The following RIT2 variants were observed in gnomAD, a reference collection of about 807,000 sequenced individuals.
The protein encoded by RIT2 is Ras like without CAAX 2.
RIT2 carries 24 observed loss-of-function variants against 23.7 expected under a neutral mutation model. That is an observed-to-expected ratio of 1.01 (90% CI 0.73 to 1.43). RIT2 has a LOEUF of 1.43. RIT2 is among the 40% of genes most tolerant of loss of function. The probability of loss-of-function intolerance (pLI) is 0.00; values close to 1 mark genes in which losing one functional copy is unlikely to be tolerated. For missense variants in RIT2, 236 were observed against 266.9 expected, an observed-to-expected ratio of 0.88 and a Z score of 0.81; for synonymous variants, 107 against 91.1, an observed-to-expected ratio of 1.17 and a Z score of -0.99.
At chr18:43,097,142 A>G (rs1226474768) in intron 1 of RIT2, among the ~76,000 whole-genome samples, 2 of 151,876 alleles carry the variant, frequency 1.3e-5, no homozygotes, top group Non-Finnish European at 2.9e-5. Flanking sequence ...TATACAATAT[A>G]ATTATATGGG....
At chr18:42,995,049 T>C (rs1266554206) in intron 2 of RIT2, among the ~76,000 whole-genome samples, 1 of 152,124 alleles carries the variant, frequency 6.6e-6, no homozygotes, top group Non-Finnish European at 1.5e-5. Flanking sequence ...TTTCCCCATA[T>C]TTCCTTCTTT....
intron 4 of RIT2, among the ~76,000 whole-genome samples, chr18:42,913,443 A>G (rs1908823748): frequency 6.6e-6 from 1 of 151,950 alleles, no homozygotes; most frequent in Admixed American, 6.6e-5. Flanking sequence ...AAGACAAACT[A>G]CTGACTAGAA....
chr18:42,914,111 T>G (rs1236547513), intron 4 of RIT2, among the ~76,000 whole-genome samples: 1 of 152,034 alleles, frequency 6.6e-6, no homozygotes, highest in Non-Finnish European at 1.5e-5. Context: ...TAATGTAAAT[T>G]AAAATCATAA....
chr18:43,092,163 T>G (rs1372524536), intron 1 of RIT2, among the ~76,000 whole-genome samples: 2 of 151,740 alleles, frequency 1.3e-5, no homozygotes, highest in Non-Finnish European at 2.9e-5. Flanking sequence ...ATCCAGAGAG[T>G]GATTCTTTAG....
At chr18:42,865,577 C>CA (rs986414348) in intron 4 of RIT2, among the ~76,000 whole-genome samples, 2 of 151,976 alleles carry the variant, frequency 1.3e-5, no homozygotes, top group East Asian at 1.9e-4. Context: ...ACAACAAGCG[C>CA]AAAAAATCAA....
chr18:42,753,002 G>A lies in RIT2; in HGVS notation c.427-9282C>T, dbSNP rs551895069. On this transcript the variant is annotated intron_variant, in intron 4 of 4. Transcript: ENST00000326695. ...TTTAATATATATGACCTTTTTCACC[G>A]AAGAAGATCACCGTGTAATATGCCA... Among the ~76,000 whole-genome samples the A allele has an allele frequency of 2.0e-5, 3 of 152,158 alleles. No individual in the cohort carries two copies. The South Asian group carries it at 6.2e-4, about 32-fold the overall frequency.
chr18:42,974,597 A>G (rs898611586), intron 2 of RIT2, among the ~76,000 whole-genome samples: 4 of 152,056 alleles, frequency 2.6e-5, no homozygotes, highest in African/African-American at 4.8e-5. Context: ...AGAAGAAAAA[A>G]TAAAATCATC....
At chr18:42,881,699 C>T (rs1344967971) in intron 4 of RIT2, among the ~76,000 whole-genome samples, 1 of 152,202 alleles carries the variant, frequency 6.6e-6, no homozygotes, top group Admixed American at 6.5e-5. Context: ...AAGAAGCATT[C>T]TCAGCATGGT....
At chr18:42,994,749 C>T (rs531112765) in intron 2 of RIT2, among the ~76,000 whole-genome samples, 1 of 152,316 alleles carries the variant, frequency 6.6e-6, no homozygotes, top group East Asian at 1.9e-4. Flanking sequence ...GCGGCTGCTG[C>T]TGCCCTAATA....
At position 43,044,292 on chromosome 18, in the gene RIT2, T is replaced by C. The variant is rs72904982; in HGVS notation, c.104-10425A>G. ...CCCACTTTAATGACAGCTTTCATTTTTTTTCTAATTAATGCATTTCTACAA... is the reference window on the plus strand; with the variant it reads ...CCCACTTTAATGACAGCTTTCATTTCTTTTCTAATTAATGCATTTCTACAA... On this transcript the variant is annotated intron_variant, in intron 1 of 4. Transcript: ENST00000326695. Among the ~76,000 whole-genome samples, 1,289 of 152,326 alleles carry C rather than the reference T, an allele frequency of 8.5e-3. 8 individuals are homozygous for C. Among genetic ancestry groups the C allele is most frequent in the Non-Finnish European group, 0.011 (720 of 68,020 alleles).
intron 4 of RIT2, among the ~76,000 whole-genome samples, chr18:42,791,552 C>T (rs1470770109): frequency 6.6e-6 from 1 of 152,130 alleles, no homozygotes; most frequent in African/African-American, 2.4e-5. Context: ...ATTATTTTTC[C>T]ACTTCCTTTA....
intron 4 of RIT2, among the ~76,000 whole-genome samples, chr18:42,795,754 C>A (rs1036878785): frequency 3.3e-5 from 5 of 152,204 alleles, no homozygotes; most frequent in East Asian, 3.9e-4. Flanking sequence ...ATACACCAAT[C>A]GGCACTCTGT....
At chr18:43,108,929 G>A (rs1327853623) in intron 1 of RIT2, among the ~76,000 whole-genome samples, 15 of 152,148 alleles carry the variant, frequency 9.9e-5, no homozygotes, top group South Asian at 2.1e-4. Context: ...TTAGGATAAC[G>A]CATGGCCACG....
At chr18:43,074,718 A>T (rs1912971884) in intron 1 of RIT2, among the ~76,000 whole-genome samples, 2 of 152,240 alleles carry the variant, frequency 1.3e-5, no homozygotes, top group South Asian at 4.1e-4. Context: ...ATGCAGCCAT[A>T]AAAAGGAATG....
intron 3 of RIT2, among the ~76,000 whole-genome samples, chr18:42,949,532 A>G (rs1296596413): frequency 2.0e-5 from 3 of 152,110 alleles, no homozygotes; most frequent in African/African-American, 4.8e-5. Flanking sequence ...CCTTGCAGAA[A>G]TATGTTTTGT....
chr18:42,768,665 G>A (rs767903611), intron 4 of RIT2, among the ~76,000 whole-genome samples: 11 of 151,932 alleles, frequency 7.2e-5, no homozygotes, highest in Non-Finnish European at 1.0e-4. Context: ...ACAAATTTAT[G>A]TTTTAGGAAA....
At position 42,817,139 on chromosome 18, in the gene RIT2, G is replaced by T. The variant is rs111835095; in HGVS notation, c.427-73419C>A. Among the ~76,000 whole-genome samples, 505 of 152,220 alleles carry T rather than the reference G, an allele frequency of 3.3e-3. 1 individual carries two copies. The highest frequency in any genetic ancestry group is 0.011 in the African/African-American group (469 of 41,556). On this transcript the variant is annotated intron_variant, in intron 4 of 4. Coordinates refer to ENST00000326695, the MANE Select transcript of RIT2 (RefSeq NM_002930.4). ...TGGAAGAACTTCAGGGAGAAAAAAG[G>T]TATTTGAATCACATTAGCTATTTAA...
chr18:43,086,606 A>G (rs1913288397), intron 1 of RIT2, among the ~76,000 whole-genome samples: 1 of 152,158 alleles, frequency 6.6e-6, no homozygotes, highest in Non-Finnish European at 1.5e-5. Flanking sequence ...GCTGGGGATG[A>G]AGACCACATC....
chr18:42,804,893 G>T (rs546810223), intron 4 of RIT2, among the ~76,000 whole-genome samples: 5 of 152,148 alleles, frequency 3.3e-5, no homozygotes, highest in Admixed American at 3.3e-4. Context: ...GAGATAGTGC[G>T]CAGGGCAGTG....
Sources: gnomAD v4.1 joint callset for allele counts (sites outside exome capture counted in the v4.1 genomes callset) on GRCh38, gnomAD v4.1.1 for gene constraint, MANE v1.5 for transcripts, NCBI Gene and HGNC (gene_info 2026-07-23, HGNC 2026-07-21) for gene names.